SLC43A1: variants seen among roughly 807,000 people sequenced by gnomAD.
SLC43A1 encodes solute carrier family 43 member 1.
Under a neutral mutation model 59.5 loss-of-function variants are expected in SLC43A1, and 31 were observed. That is an observed-to-expected ratio of 0.52 (90% CI 0.39 to 0.70). SLC43A1 has a LOEUF of 0.70. Among genes scored for constraint, SLC43A1 ranks in the 30% least tolerant of loss-of-function variants. SLC43A1 has a pLI of 0.00. For synonymous variants in SLC43A1, 259 were observed against 290.9 expected, an observed-to-expected ratio of 0.89 and a Z score of 1.12; for missense variants, 598 against 717.8, an observed-to-expected ratio of 0.83 and a Z score of 1.91.
rs148673316 is a variant in SLC43A1 at position 57,496,156 on chromosome 11, G to A, written c.567C>T (p.Tyr189=). 1,804 of 1,614,040 alleles carry A rather than the reference G, an allele frequency of 1.1e-3. 28 individuals are homozygous for A. The highest frequency in any genetic ancestry group is 3.3e-4 in the Middle Eastern group (2 of 6,034). Residue 189 remains tyrosine (Y), a synonymous_variant, in exon 7 of 15, where the codon TAC becomes TAT. Coordinates refer to ENST00000278426, the MANE Select transcript of SLC43A1 (RefSeq NM_003627.6). The part of the protein sequence containing the change: ...AITFPGIKLI[Y]DAGVAFVVIM... Reference sequence around the variant, plus strand: ...TGACCACGAAGGCCACACCGGCATCGTAGATCAGCTGTGAGAGGAGGGGGC... The same window carrying A: ...TGACCACGAAGGCCACACCGGCATCATAGATCAGCTGTGAGAGGAGGGGGC...
At position 57,484,925 on chromosome 11, in the gene SLC43A1, T is replaced by G. The variant is rs759276964; in HGVS notation, c.*171A>C. On this transcript the variant is annotated 3_prime_UTR_variant, in exon 15 of 15. Coordinates refer to ENST00000278426, the MANE Select transcript of SLC43A1 (RefSeq NM_003627.6). ...TTGACTTAGGGGGCGTTTTTGAAGGTTTTTTTTCCTCCTTTTTGCAGTCTT... is the reference window on the plus strand; with the variant it reads ...TTGACTTAGGGGGCGTTTTTGAAGGGTTTTTTTCCTCCTTTTTGCAGTCTT... The G allele has an allele frequency of 4.3e-5, 35 of 807,988 alleles. No homozygotes were observed. Among genetic ancestry groups the G allele is most frequent in the South Asian group, 2.4e-4 (11 of 44,978 alleles). The allele number at this position is 807,988 out of a possible 1,614,324, so 50.1% of individuals were successfully genotyped here.
At chr11:57,503,824 G>A (rs1380974854) in intron 2 of SLC43A1, among the ~76,000 whole-genome samples, 3 of 152,156 alleles carry the variant, frequency 2.0e-5, no homozygotes, top group Non-Finnish European at 2.9e-5. Flanking sequence ...TTATAGTGTT[G>A]TAAATTATAA....
chr11:57,488,951 GA>G lies in SLC43A1; in HGVS notation c.1373del (p.Phe458SerfsTer22). On this transcript the variant is annotated frameshift_variant, in exon 13 of 15. Transcript: ENST00000278426. LOFTEE classifies it high-confidence loss of function. ...TFVLHTIVRG[F>X]FHSACGSLYA... ...AGAGACTCCCACAGGCTGAGTGGAA[GA>G]AACCTCGAACAATGGTGTGCAGGAC... is the stretch of plus-strand genomic sequence containing the variant. The G allele has an allele frequency of 6.2e-7, 1 of 1,614,218 alleles. No homozygotes were observed. The highest frequency in any genetic ancestry group is 8.5e-7 in the Non-Finnish European group (1 of 1,180,028).
At chr11:57,501,102 C>T (rs1565135658) in intron 3 of SLC43A1, 50 bp downstream of exon 3, 5 of 1,611,606 alleles carry the variant, frequency 3.1e-6, no homozygotes, top group Non-Finnish European at 3.4e-6. Context: ...CTCCCCTCCC[C>T]CTGCAGCACG....
chr11:57,492,183 C>T (rs989192480), intron 8 of SLC43A1, among the ~76,000 whole-genome samples: 1 of 147,706 alleles, frequency 6.8e-6, no homozygotes, highest in Non-Finnish European at 1.5e-5. Context: ...TGGTGGTCAA[C>T]ATAGCAAGAC....
intron 2 of SLC43A1, among the ~76,000 whole-genome samples, chr11:57,510,396 T>C (rs1373414717): frequency 7.3e-6 from 1 of 137,606 alleles, no homozygotes; most frequent in African/African-American, 2.8e-5. Context: ...AGGCGGAGGT[T>C]GCAGTGAGCT....
chr11:57,489,055 G>C, intron 12 of SLC43A1, 66 bp from the exon 13 acceptor site: 1 of 1,524,584 alleles, frequency 6.6e-7, no homozygotes, highest in South Asian at 1.1e-5. Context: ...AGGAGGGGTA[G>C]GGCGAAGAGG....
At position 57,489,307 on chromosome 11, in the gene SLC43A1, T is replaced by C; in HGVS notation, c.1279A>G (p.Asn427Asp). ...ATGCCAAAACCCACAAGCAGCAGGT[T>C]GGTCAGGGTGAAGGCACTGATGGCA... The part of the protein sequence containing the change: ...TNAISAFTLT[N>D]LLLVGFGITC... The change falls in exon 12 of 15, where the codon AAC becomes GAC. Residue 427 changes from asparagine to aspartate, a missense_variant. Transcript: ENST00000278426. 6.2e-7 allele frequency: 1 copy of C among 1,614,172 alleles called. No individual in the cohort carries two copies. The highest frequency in any genetic ancestry group is 2.2e-5 in the East Asian group (1 of 44,878).
At chr11:57,501,354 A>G (rs1944263526) in intron 2 of SLC43A1, 25 bp from the exon 3 acceptor site, 1 of 1,603,074 alleles carries the variant, frequency 6.2e-7, no homozygotes, top group East Asian at 2.2e-5. Context: ...GGGAGGGCTC[A>G]GCACATGACA....
chr11:57,513,297 C>T (rs1030335177), intron 2 of SLC43A1, among the ~76,000 whole-genome samples: 10 of 152,208 alleles, frequency 6.6e-5, no homozygotes, highest in Non-Finnish European at 1.0e-4. Flanking sequence ...CAGCTCTCTC[C>T]TTCCCAGAAT....
chr11:57,508,536 C>A (rs1944448252), intron 2 of SLC43A1, among the ~76,000 whole-genome samples: 1 of 152,164 alleles, frequency 6.6e-6, no homozygotes, highest in African/African-American at 2.4e-5. Flanking sequence ...GCCCGAGAGC[C>A]TCAAGGATTT....
intron 2 of SLC43A1, among the ~76,000 whole-genome samples, chr11:57,511,348 A>C (rs1944540049): frequency 6.6e-6 from 1 of 151,840 alleles, no homozygotes; most frequent in South Asian, 2.1e-4. Flanking sequence ...GGATCATTTG[A>C]GCCCAGGAGG....
At chr11:57,511,491 G>A (rs1944544707) in intron 2 of SLC43A1, among the ~76,000 whole-genome samples, 1 of 152,072 alleles carries the variant, frequency 6.6e-6, no homozygotes, top group Admixed American at 6.5e-5. Context: ...GCCCAGGCTG[G>A]AGTATAGTGG....
chr11:57,497,742 T>C lies in SLC43A1; in HGVS notation c.558+11A>G, dbSNP rs770180709. On this transcript the variant is annotated intron_variant, in intron 6 of 14. Transcript: ENST00000278426. The stretch of plus-strand genomic sequence containing the variant: ...TGTCAAGACAAAAAGAAAACCCAGG[T>C]GGCCTCATACCTTGATTCCTGGGAA... 17 of 1,607,990 alleles carry C rather than the reference T, an allele frequency of 1.1e-5. No individual in the cohort carries two copies. The Admixed American group carries it at 2.8e-4, about 27-fold the overall frequency.
At chr11:57,509,646 G>GAAGA (rs1944480021) in intron 2 of SLC43A1, among the ~76,000 whole-genome samples, 1 of 128,826 alleles carries the variant, frequency 7.8e-6, no homozygotes, top group East Asian at 2.5e-4. Context: ...AGGAAGGAAG[G>GAAGA]AAGGAGGGAG....
chr11:57,495,974 A>C, intron 7 of SLC43A1, 57 bp downstream of exon 7: 1 of 1,582,230 alleles, frequency 6.3e-7, no homozygotes, highest in Non-Finnish European at 8.6e-7. Context: ...TCCGTCTATC[A>C]TATCACCACA....
rs1218080298 is a variant in SLC43A1, at chr11:57,490,510, G to A, written c.1193+714C>T. 3.3e-5 allele frequency among the ~76,000 whole-genome samples: 5 copies of A among 152,262 alleles called. No homozygotes were observed. In the South Asian group the frequency reaches 6.2e-4, roughly 19 times the overall value. On this transcript the variant is annotated intron_variant, in intron 11 of 14. Transcript: ENST00000278426. ...TGAGAGAAGATACGGGGTCTCTGTC[G>A]CTTAGCCCTCTTGCTCAAGGGAAAG...
chr11:57,487,087 G>A lies in SLC43A1; in HGVS notation c.1533+8C>T, dbSNP rs528246160. 5.0e-6 allele frequency: 8 copies of A among 1,613,042 alleles called. No homozygotes were observed. Among genetic ancestry groups the A allele is most frequent in the Middle Eastern group, 1.7e-4 (1 of 5,812 alleles). The stretch of plus-strand genomic sequence containing the variant: ...TCCTGCTCCCCCCACACCAACCCTC[G>A]CTCTCACCCAGAAGGGCTCTCCTTT... On this transcript the variant is annotated splice_region_variant and intron_variant, in intron 14 of 14. Coordinates refer to ENST00000278426, the MANE Select transcript of SLC43A1 (RefSeq NM_003627.6).
intron 2 of SLC43A1, among the ~76,000 whole-genome samples, chr11:57,511,635 AAAC>A (rs1041659263): frequency 1.6e-4 from 25 of 152,134 alleles, no homozygotes; most frequent in Admixed American, 1.3e-3. Context: ...CAAAATGTGA[AAAC>A]AACCCAAATC....
Sources: gnomAD v4.1 joint callset for allele counts (sites outside exome capture counted in the v4.1 genomes callset) on GRCh38, gnomAD v4.1.1 for gene constraint, MANE v1.5 for transcripts, NCBI Gene and HGNC (gene_info 2026-07-23, HGNC 2026-07-21) for gene names.